Variants in ANOS1 observed in about 807,000 individuals in gnomAD.
ANOS1 encodes the protein anosmin 1.
A neutral mutation model predicts 59.0 loss-of-function variants in ANOS1; 6 were observed. That is an observed-to-expected ratio of 0.10 (90% CI 0.06 to 0.20). The LOEUF is 0.20. Ranked by LOEUF, ANOS1 falls within the 10% of genes least tolerant of loss-of-function variation. The probability of loss-of-function intolerance (pLI) is 1.00; values close to 1 mark genes in which losing one functional copy is unlikely to be tolerated. For synonymous variants in ANOS1, 217 were observed against 223.4 expected (o/e 0.97, Z 0.25); for missense variants, 433 against 542.3 (o/e 0.80, Z 2.00).
chrX:8,558,332 T>C lies in ANOS1; in HGVS notation c.1208-4234A>G, dbSNP rs896340350. Among the ~76,000 whole-genome samples, 4 of 111,206 alleles carry C rather than the reference T, an allele frequency of 3.6e-5. No homozygotes were observed. In the East Asian group the frequency reaches 8.5e-4, roughly 24 times the overall value. On this transcript the variant is annotated intron_variant, in intron 8 of 13. Transcript: ENST00000262648. ...AACTTCATTATTATATAACCTGATA[T>C]TAGTCCCAGTGTACTTCATTTCATC...
intron 2 of ANOS1, among the ~76,000 whole-genome samples, chrX:8,675,101 T>C (rs758750659): frequency 9.0e-6 from 1 of 110,977 alleles, no homozygotes; most frequent in South Asian, 3.9e-4. Context: ...AATCCAGAAA[T>C]AGGGTCTAGT....
intron 2 of ANOS1, among the ~76,000 whole-genome samples, chrX:8,661,820 G>A (rs181906406): frequency 9.0e-6 from 1 of 111,046 alleles, no homozygotes; most frequent in Non-Finnish European, 1.9e-5. Flanking sequence ...CAACAGCATC[G>A]CGTTTCAACT....
intron 1 of ANOS1, among the ~76,000 whole-genome samples, chrX:8,701,499 A>G (rs1258242388): frequency 2.7e-5 from 3 of 112,004 alleles, no homozygotes; most frequent in Admixed American, 1.9e-4. Flanking sequence ...CACCAGCCCA[A>G]AAAGAAACCT....
rs183459272 is a variant in ANOS1 at position 8,693,927 on chromosome X, T to C, written c.255+5771A>G. Among the ~76,000 whole-genome samples the C allele has an allele frequency of 1.5e-3, 166 of 110,120 alleles. 1 individual carries two copies. Among genetic ancestry groups the C allele is most frequent in the Non-Finnish European group, 1.1e-3 (56 of 52,751 alleles). ...TTAGTAGAGATGGGGTTTTACCATG[T>C]TGGCCAGGATGGTCTCCATCTCCTG... is the stretch of plus-strand genomic sequence containing the variant. On this transcript the variant is annotated intron_variant, in intron 2 of 13. Transcript: ENST00000262648.
intron 8 of ANOS1, among the ~76,000 whole-genome samples, chrX:8,554,633 A>G (rs1929920613): frequency 9.6e-6 from 1 of 103,854 alleles, no homozygotes; most frequent in Admixed American, 1.1e-4. Flanking sequence ...AAAGAGACAA[A>G]GAAGGGGAAT....
chrX:8,537,532 G>A (rs921156933), intron 10 of ANOS1, among the ~76,000 whole-genome samples: 4 of 111,658 alleles, frequency 3.6e-5, no homozygotes, highest in African/African-American at 1.3e-4. Context: ...TAACAGGTGT[G>A]TATCTCTGTT....
chrX:8,610,006 CAAAAAAAAAAAA>C (rs1167209336), intron 3 of ANOS1, among the ~76,000 whole-genome samples: 2 of 9,160 alleles, frequency 2.2e-4, no homozygotes, highest in African/African-American at 4.4e-4. Flanking sequence ...GACTCCATCT[CAAAAAAAAAAAA>C]AAAAAAAAAA....
intron 3 of ANOS1, among the ~76,000 whole-genome samples, chrX:8,602,801 T>C (rs1284895639): frequency 9.0e-6 from 1 of 111,150 alleles, no homozygotes; most frequent in African/African-American, 3.3e-5. Context: ...TACACTTGCA[T>C]GATCTCGGCT....
At chrX:8,670,958 C>T (rs749995062) in intron 2 of ANOS1, among the ~76,000 whole-genome samples, 2 of 111,028 alleles carry the variant, frequency 1.8e-5, no homozygotes, top group Non-Finnish European at 3.8e-5. Context: ...TCCCATCTCC[C>T]GAAATCCATC....
chrX:8,609,354 C>T (rs1843699134), intron 3 of ANOS1, among the ~76,000 whole-genome samples: 1 of 111,922 alleles, frequency 8.9e-6, no homozygotes, highest in African/African-American at 3.2e-5. Context: ...TGATAAGCAA[C>T]TGCAGACCAC....
intron 6 of ANOS1, among the ~76,000 whole-genome samples, chrX:8,574,403 T>C (rs1189664479): frequency 9.0e-6 from 1 of 111,244 alleles, no homozygotes; most frequent in African/African-American, 3.3e-5. Flanking sequence ...TCAACTTGAT[T>C]GGATTGAAGG....
chrX:8,576,110 T>C (rs1212874490), intron 6 of ANOS1, among the ~76,000 whole-genome samples: 1 of 110,563 alleles, frequency 9.0e-6, no homozygotes, highest in Non-Finnish European at 1.9e-5. Flanking sequence ...TTCTGGCTCT[T>C]AAAAAAACAA....
chrX:8,587,842 T>C lies in ANOS1; in HGVS notation c.678A>G (p.Gly226=). The C allele has an allele frequency of 8.3e-7, 1 of 1,206,589 alleles. No homozygotes were observed. Among genetic ancestry groups the C allele is most frequent in the South Asian group, 1.8e-5 (1 of 56,070 alleles). Residue 226 remains glycine, a synonymous_variant, in exon 5 of 14, where the codon GGA becomes GGG. Transcript: ENST00000262648. ...TGGCGTCATCTTCGCTAGGATGGAT[T>C]CCATAATTCCATCTTCTTTGTACCA... ...IYVVQRRWNY[G]IHPSEDDATH... is the part of the protein sequence containing the mutation.
At chrX:8,666,384 C>G (rs1221870572) in intron 2 of ANOS1, among the ~76,000 whole-genome samples, 5 of 111,524 alleles carry the variant, frequency 4.5e-5, no homozygotes, top group Non-Finnish European at 9.4e-5. Flanking sequence ...TACATTTTCA[C>G]TATTATCAAT....
intron 2 of ANOS1, among the ~76,000 whole-genome samples, chrX:8,638,873 T>C (rs147867439): frequency 3.7e-3 from 412 of 111,713 alleles, no homozygotes; most frequent in African/African-American, 0.013. Context: ...TAGCAATGCT[T>C]AGAGCGACTG....
At chrX:8,559,420 G>A (rs1929998463) in intron 8 of ANOS1, among the ~76,000 whole-genome samples, 1 of 111,313 alleles carries the variant, frequency 9.0e-6, no homozygotes, top group South Asian at 3.8e-4. Context: ...GAACAAGAAG[G>A]ATTCCAAGCC....
chrX:8,547,346 C>T (rs114641342), intron 9 of ANOS1, among the ~76,000 whole-genome samples: 145 of 111,906 alleles, frequency 1.3e-3, no homozygotes, highest in Middle Eastern at 4.6e-3. Flanking sequence ...TTTCTCCCAG[C>T]TGCACCTCTT....
At chrX:8,623,349 C>T (rs761000963) in intron 3 of ANOS1, among the ~76,000 whole-genome samples, 27 of 109,394 alleles carry the variant, frequency 2.5e-4, no homozygotes, top group Non-Finnish European at 3.6e-4. Flanking sequence ...CAATCTATAC[C>T]TTTAGAAAGC....
intron 9 of ANOS1, among the ~76,000 whole-genome samples, chrX:8,550,391 C>T (rs980976487): frequency 1.8e-5 from 2 of 111,626 alleles, no homozygotes; most frequent in South Asian, 3.7e-4. Context: ...GATTGGAACA[C>T]TCAGTATTTT....
Sources: gnomAD v4.1 joint callset for allele counts (sites outside exome capture counted in the v4.1 genomes callset) on GRCh38, gnomAD v4.1.1 for gene constraint, MANE v1.5 for transcripts, NCBI Gene and HGNC (gene_info 2026-07-23, HGNC 2026-07-21) for gene names.